CES5A: variants seen among roughly 807,000 people sequenced by gnomAD.
The protein encoded by CES5A is carboxylesterase 5A.
CES5A carries 67 observed loss-of-function variants against 62.9 expected under a neutral mutation model. The ratio of observed to expected loss-of-function variants is 1.07; its 90% CI spans 0.88 to 1.31. The LOEUF (loss-of-function observed/expected upper bound fraction) is 1.31, where lower values mean the gene tolerates loss of function less well. Among genes scored for constraint, CES5A ranks in the 50% most tolerant of loss-of-function variants. CES5A has a pLI of 0.00. For missense variants in CES5A, 748 were observed against 708.5 expected (o/e 1.06, Z -0.63); for synonymous variants, 296 against 280.8 (o/e 1.05, Z -0.54).
intron 1 of CES5A, among the ~76,000 whole-genome samples, chr16:55,881,969 T>C (rs1356905059): frequency 3.3e-5 from 5 of 152,046 alleles, no homozygotes; most frequent in African/African-American, 9.7e-5. Flanking sequence ...TCTATGACAA[T>C]GGCTAATAGG....
chr16:55,856,340 G>T (rs2033242252), intron 9 of CES5A, 37 bp downstream of exon 9: 3 of 1,593,990 alleles, frequency 1.9e-6, no homozygotes, highest in Admixed American at 1.7e-5. Flanking sequence ...TTAAGTGCAT[G>T]TGTCTCTGGA....
chr16:55,873,798 T>G (rs755389002), intron 2 of CES5A, 35 bp downstream of exon 2: 1 of 1,581,402 alleles, frequency 6.3e-7, no homozygotes, highest in Non-Finnish European at 8.6e-7. Flanking sequence ...ACTCCCAGAG[T>G]CACAAACCAC....
intron 1 of CES5A, among the ~76,000 whole-genome samples, chr16:55,904,121 T>G (rs1235044940): frequency 6.6e-6 from 1 of 152,170 alleles, no homozygotes; most frequent in East Asian, 1.9e-4. Flanking sequence ...GAGAAAGATT[T>G]TTCACGTCTG....
intron 1 of CES5A, among the ~76,000 whole-genome samples, chr16:55,922,749 C>T (rs1052279044): frequency 6.6e-6 from 1 of 151,806 alleles, no homozygotes; most frequent in Non-Finnish European, 1.5e-5. Context: ...ATTCTTTTCA[C>T]CAGCATATAG....
chr16:55,888,466 G>A (rs4784602), intron 1 of CES5A, among the ~76,000 whole-genome samples: 35,101 of 151,988 alleles, frequency 0.23, 5,020 homozygotes, highest in Non-Finnish European at 0.32. Flanking sequence ...TAATTGTCCA[G>A]TAGGTCTCTG....
At chr16:55,861,876 C>A (rs142660626) in intron 6 of CES5A, among the ~76,000 whole-genome samples, 1 of 152,098 alleles carries the variant, frequency 6.6e-6, no homozygotes, top group South Asian at 2.1e-4. Context: ...AGAAGCCCAA[C>A]CTTGAGGTGC....
At chr16:55,872,726 C>T (rs186644589) in intron 2 of CES5A, among the ~76,000 whole-genome samples, 29 of 152,296 alleles carry the variant, frequency 1.9e-4, no homozygotes, top group African/African-American at 7.0e-4. Context: ...TTCAGCAAAG[C>T]CGTCTCTGAC....
chr16:55,852,329 C>T (rs1427888927), intron 10 of CES5A, among the ~76,000 whole-genome samples: 7 of 152,100 alleles, frequency 4.6e-5, no homozygotes, highest in East Asian at 1.9e-4. Context: ...GCCTTGTGGT[C>T]GAAGAAGATA....
intron 2 of CES5A, 102 bp from the exon 3 acceptor site, chr16:55,871,865 G>T: frequency 1.6e-6 from 2 of 1,268,714 alleles, no homozygotes; most frequent in Non-Finnish European, 2.2e-6. Context: ...CGTCTCCTCT[G>T]CCTGAGCAGA....
At chr16:55,849,898 T>C (rs2033096707) in intron 10 of CES5A, 125 bp from the exon 11 acceptor site, 1 of 955,824 alleles carries the variant, frequency 1.0e-6, no homozygotes, top group Non-Finnish European at 1.5e-6. Context: ...GACAGCTCAC[T>C]TCCCCCTTCC....
Position 55,865,504 on chromosome 16 carries a change from A to G in CES5A, c.705+459T>C, listed in dbSNP as rs561248895. Among the ~76,000 whole-genome samples, 7 of 152,238 alleles carry G rather than the reference A, an allele frequency of 4.6e-5. No individual in the cohort carries two copies. The South Asian group carries it at 6.2e-4, about 14-fold the overall frequency. On this transcript the variant is annotated intron_variant, in intron 5 of 12. Transcript: ENST00000290567. ...GCAGGTGGTTTATGCAAGACAATCC[A>G]TGTTGGAAATCGAGTCAGCAGACCA...
intron 1 of CES5A, among the ~76,000 whole-genome samples, chr16:55,891,147 TTTAAA>T (rs1457669351): frequency 6.6e-6 from 1 of 152,152 alleles, no homozygotes; most frequent in Non-Finnish European, 1.5e-5. Flanking sequence ...CGTCACTCTC[TTTAAA>T]TTAGCCAATC....
At chr16:55,909,622 T>G (rs1170982499) in intron 1 of CES5A, among the ~76,000 whole-genome samples, 3 of 151,454 alleles carry the variant, frequency 2.0e-5, no homozygotes, top group African/African-American at 7.3e-5. Context: ...GAACCTGATC[T>G]CACCCTCTCT....
chr16:55,920,567 C>G (rs575836839), intron 1 of CES5A, among the ~76,000 whole-genome samples: 3 of 152,206 alleles, frequency 2.0e-5, no homozygotes, highest in African/African-American at 7.2e-5. Context: ...GGACGGCGAA[C>G]CTGGGCTTAA....
chr16:55,920,008 CT>C (rs1333992842), intron 1 of CES5A, among the ~76,000 whole-genome samples: 1 of 152,188 alleles, frequency 6.6e-6, no homozygotes, highest in African/African-American at 2.4e-5. Context: ...CAGAAGCAAG[CT>C]AGTTTCACAT....
chr16:55,869,815 C>T (rs1465918028), intron 3 of CES5A, 71 bp from the exon 4 acceptor site: 1 of 1,518,224 alleles, frequency 6.6e-7, no homozygotes, highest in East Asian at 2.4e-5. Context: ...GTTTGAGGCA[C>T]ACGTTCTTAA....
chr16:55,898,113 T>C (rs1226717245), intron 1 of CES5A, among the ~76,000 whole-genome samples: 1 of 152,244 alleles, frequency 6.6e-6, no homozygotes, highest in Non-Finnish European at 1.5e-5. Flanking sequence ...AGTTTTGATC[T>C]GTGTCATGTG....
At position 55,858,082 on chromosome 16, in the gene CES5A, C is replaced by T. The variant is rs1345390549; in HGVS notation, c.1056+1465G>A. Among the ~76,000 whole-genome samples, 3 of 152,204 alleles carry T rather than the reference C, an allele frequency of 2.0e-5. No individual in the cohort carries two copies. The East Asian group carries it at 5.8e-4, about 29-fold the overall frequency. On this transcript the variant is annotated intron_variant, in intron 8 of 12. Transcript: ENST00000290567. Reference sequence around the variant, plus strand: ...GGCATGGTGGTGGGTGCCTGTAATCCCAGCTACTCGATAGGCTGAGCCAGG... The same window carrying T: ...GGCATGGTGGTGGGTGCCTGTAATCTCAGCTACTCGATAGGCTGAGCCAGG...
At chr16:55,922,756 A>T (rs2034220863) in intron 1 of CES5A, among the ~76,000 whole-genome samples, 1 of 152,000 alleles carries the variant, frequency 6.6e-6, no homozygotes, top group African/African-American at 2.4e-5. Flanking sequence ...TCACCAGCAT[A>T]TAGAATATTC....
Sources: gnomAD v4.1 joint callset for allele counts (sites outside exome capture counted in the v4.1 genomes callset) on GRCh38, gnomAD v4.1.1 for gene constraint, MANE v1.5 for transcripts, NCBI Gene and HGNC (gene_info 2026-07-23, HGNC 2026-07-21) for gene names.